Variants in PXDNL observed in about 807,000 individuals in gnomAD.
PXDNL encodes the protein probable oxidoreductase PXDNL.
PXDNL carries 145 observed loss-of-function variants against 150.8 expected under a neutral mutation model. The observed-to-expected ratio is 0.96, with a 90% CI of 0.84 to 1.10. PXDNL has a LOEUF of 1.10. Ranked by LOEUF, PXDNL falls within the 50% of genes least tolerant of loss-of-function variation. PXDNL has a pLI of 0.00. For missense variants in PXDNL, 2,087 were observed against 1,873.9 expected (o/e 1.11, Z -2.10); for synonymous variants, 757 against 725.7 (o/e 1.04, Z -0.69).
intron 1 of PXDNL, among the ~76,000 whole-genome samples, chr8:51,767,008 C>T (rs2037239111): frequency 1.3e-5 from 2 of 152,004 alleles, no homozygotes; most frequent in Admixed American, 1.3e-4. Context: ...TTTCTTCACA[C>T]TTTTTAAATA....
intron 1 of PXDNL, among the ~76,000 whole-genome samples, chr8:51,655,453 T>C (rs1815130417): frequency 6.6e-6 from 1 of 152,154 alleles, no homozygotes; most frequent in Admixed American, 6.5e-5. Context: ...AAGCAAGTTA[T>C]TACAGGACTA....
At chr8:51,401,040 G>A (rs1808231686) in intron 17 of PXDNL, among the ~76,000 whole-genome samples, 1 of 152,094 alleles carries the variant, frequency 6.6e-6, no homozygotes. Flanking sequence ...CTAGGCCCTG[G>A]ACTGAACTCT....
intron 2 of PXDNL, among the ~76,000 whole-genome samples, chr8:51,597,894 A>T (rs1375085194): frequency 6.6e-6 from 1 of 151,774 alleles, no homozygotes; most frequent in East Asian, 1.9e-4. Flanking sequence ...TTGTATTTCT[A>T]GCAGAGAAGG....
At chr8:51,594,218 C>T (rs147324768) in intron 2 of PXDNL, among the ~76,000 whole-genome samples, 17 of 152,292 alleles carry the variant, frequency 1.1e-4, no homozygotes, top group Non-Finnish European at 2.1e-4. Flanking sequence ...ATGTAATTTG[C>T]ATGTCTGCTA....
intron 12 of PXDNL, among the ~76,000 whole-genome samples, chr8:51,430,584 A>G (rs1341515246): frequency 6.6e-6 from 1 of 152,174 alleles, no homozygotes; most frequent in Admixed American, 6.5e-5. Flanking sequence ...TTGCTACAGA[A>G]CTTGAACTCT....
Position 51,447,115 on chromosome 8 carries a change from T to C in PXDNL, c.1414A>G (p.Thr472Ala). The C allele has an allele frequency of 1.2e-6, 2 of 1,614,000 alleles. No homozygotes were observed. The highest frequency in any genetic ancestry group is 1.7e-6 in the Non-Finnish European group (2 of 1,179,882). The change falls in exon 12 of 23, where the codon ACT becomes GCT. Residue 472 changes from threonine to alanine, a missense_variant. Coordinates refer to ENST00000356297, the MANE Select transcript of PXDNL (RefSeq NM_144651.5). ...TGTGCTGCACGGTCAATTCTCAAAG[T>C]GCCAGAGGAGAGAACTGTATGCTGG... Reference protein sequence around the residue: ...EGQHTVLSSGTLRIDRAAQHD... With the variant: ...EGQHTVLSSGALRIDRAAQHD...
intron 19 of PXDNL, among the ~76,000 whole-genome samples, chr8:51,364,104 C>T (rs767227821): frequency 3.4e-4 from 51 of 152,176 alleles, no homozygotes; most frequent in Non-Finnish European, 6.5e-4. Flanking sequence ...TCTCATGTAT[C>T]TTCCACTAAT....
chr8:51,797,208 G>A (rs1176244482), intron 1 of PXDNL, among the ~76,000 whole-genome samples: 1 of 152,128 alleles, frequency 6.6e-6, no homozygotes, highest in Non-Finnish European at 1.5e-5. Flanking sequence ...CAAACCCACT[G>A]CAAATATCAC....
chr8:51,332,903 G>A (rs1805730602), intron 21 of PXDNL, among the ~76,000 whole-genome samples: 1 of 152,174 alleles, frequency 6.6e-6, no homozygotes, highest in South Asian at 2.1e-4. Flanking sequence ...TAAAAGCTTG[G>A]AAAACATGTT....
chr8:51,406,438 AAG>A (rs1222198924), intron 17 of PXDNL, among the ~76,000 whole-genome samples: 1 of 152,122 alleles, frequency 6.6e-6, no homozygotes, highest in Non-Finnish European at 1.5e-5. Flanking sequence ...CATGTCAGGG[AAG>A]AGTCTCTCTT....
At chr8:51,345,368 T>G (rs1341963677) in intron 20 of PXDNL, among the ~76,000 whole-genome samples, 1 of 152,166 alleles carries the variant, frequency 6.6e-6, no homozygotes, top group Non-Finnish European at 1.5e-5. Context: ...AGACTGACAT[T>G]TCTCAATTTT....
intron 1 of PXDNL, among the ~76,000 whole-genome samples, chr8:51,728,003 T>A (rs550857840): frequency 7.6e-4 from 116 of 152,376 alleles, no homozygotes; most frequent in African/African-American, 2.6e-3. Flanking sequence ...ATTTCACATA[T>A]GTATTCTATT....
intron 2 of PXDNL, among the ~76,000 whole-genome samples, chr8:51,646,609 G>T (rs1397806228): frequency 6.6e-6 from 1 of 152,132 alleles, no homozygotes; most frequent in Non-Finnish European, 1.5e-5. Flanking sequence ...ACCTGGGTAG[G>T]TTTAAGAGAG....
intron 20 of PXDNL, among the ~76,000 whole-genome samples, chr8:51,341,160 T>G (rs1805974828): frequency 6.6e-6 from 1 of 152,238 alleles, no homozygotes; most frequent in Admixed American, 6.5e-5. Context: ...CCTCACATTC[T>G]TTCAAAGCAG....
chr8:51,427,493 C>A (rs927058958), intron 12 of PXDNL, among the ~76,000 whole-genome samples: 1 of 151,972 alleles, frequency 6.6e-6, no homozygotes, highest in Admixed American at 6.6e-5. Context: ...ATACAAAAAT[C>A]ATTAACAAAA....
intron 17 of PXDNL, among the ~76,000 whole-genome samples, chr8:51,376,740 A>G (rs1807324448): frequency 6.7e-6 from 1 of 148,206 alleles, no homozygotes; most frequent in South Asian, 2.1e-4. Context: ...TTTTTTTTAT[A>G]CGGAGTCTTA....
chr8:51,321,566 G>A (rs934590346), intron 21 of PXDNL, among the ~76,000 whole-genome samples: 1 of 152,004 alleles, frequency 6.6e-6, no homozygotes, highest in Non-Finnish European at 1.5e-5. Context: ...TGTTCTCGGG[G>A]TAGTGAATTC....
intron 1 of PXDNL, among the ~76,000 whole-genome samples, chr8:51,736,391 A>C (rs1331218379): frequency 1.3e-5 from 2 of 152,210 alleles, no homozygotes; most frequent in Non-Finnish European, 2.9e-5. Context: ...TTTAACTAAA[A>C]TAATGACCCC....
At chr8:51,656,123 A>G (rs921823958) in intron 1 of PXDNL, among the ~76,000 whole-genome samples, 2 of 152,218 alleles carry the variant, frequency 1.3e-5, no homozygotes, top group African/African-American at 4.8e-5. Flanking sequence ...GAATAAAATG[A>G]AAACAAAAAC....
Sources: allele counts gnomAD v4.1 joint callset (sites outside exome capture counted in the v4.1 genomes callset), GRCh38; gene constraint gnomAD v4.1.1; transcripts MANE v1.5; gene names NCBI Gene and HGNC (gene_info 2026-07-23, HGNC 2026-07-21).